SLCO3A1: variants seen among roughly 807,000 people sequenced by gnomAD.
SLCO3A1 encodes the protein PGE1 transporter.
Under a neutral mutation model 63.1 loss-of-function variants are expected in SLCO3A1, and 27 were observed. The ratio of observed to expected loss-of-function variants is 0.43; its 90% CI spans 0.32 to 0.59. SLCO3A1 has a LOEUF of 0.59. SLCO3A1 is among the 20% of genes least tolerant of loss of function. The probability of loss-of-function intolerance (pLI) is 0.09; values close to 1 mark genes in which losing one functional copy is unlikely to be tolerated. For missense variants in SLCO3A1, 773 were observed against 945.8 expected (o/e 0.82, Z 2.40); for synonymous variants, 473 against 409.9 (o/e 1.15, Z -1.86).
intron 4 of SLCO3A1, among the ~76,000 whole-genome samples, chr15:92,112,939 G>A (rs1391257249): frequency 1.3e-5 from 2 of 152,210 alleles, no homozygotes; most frequent in African/African-American, 2.4e-5. Flanking sequence ...CATTGTTGGA[G>A]TTTTCATGAA....
chr15:92,129,220 C>T (rs778884050), intron 7 of SLCO3A1, among the ~76,000 whole-genome samples: 9 of 152,298 alleles, frequency 5.9e-5, no homozygotes, highest in Non-Finnish European at 8.8e-5. Context: ...TTATGTCCTT[C>T]GTTTTCTTCA....
At position 91,979,520 on chromosome 15, in the gene SLCO3A1, C is replaced by A. The variant is rs188625230; in HGVS notation, c.646+63062C>A. ...GCGTGTTGTCTGGCAGTTAGCAGAACCTTTCTTCTTTCTACCTCTTCCCTA... is the reference window on the plus strand; with the variant it reads ...GCGTGTTGTCTGGCAGTTAGCAGAAACTTTCTTCTTTCTACCTCTTCCCTA... On this transcript the variant is annotated intron_variant, in intron 2 of 9. Coordinates refer to ENST00000318445, the MANE Select transcript of SLCO3A1 (RefSeq NM_013272.4). 2.0e-3 allele frequency among the ~76,000 whole-genome samples: 297 copies of A among 152,242 alleles called. 4 individuals carry two copies. The highest frequency in any genetic ancestry group is 6.7e-3 in the African/African-American group (280 of 41,534).
intron 2 of SLCO3A1, among the ~76,000 whole-genome samples, chr15:91,971,010 C>T (rs1357216046): frequency 6.6e-6 from 1 of 152,110 alleles, no homozygotes; most frequent in East Asian, 1.9e-4. Flanking sequence ...ATTTGTAGCC[C>T]CCAAATCAAT....
At chr15:92,130,669 G>A (rs2047981541) in intron 7 of SLCO3A1, among the ~76,000 whole-genome samples, 1 of 152,142 alleles carries the variant, frequency 6.6e-6, no homozygotes, top group South Asian at 2.1e-4. Flanking sequence ...TCCAGGTAAT[G>A]GGGCCTTCCG....
chr15:92,066,235 G>A (rs2047149371), intron 2 of SLCO3A1, among the ~76,000 whole-genome samples: 5 of 152,228 alleles, frequency 3.3e-5, no homozygotes, highest in Admixed American at 3.3e-4. Flanking sequence ...TGGTAGAGAG[G>A]CCAAGCACTC....
chr15:92,093,068 A>G (rs2047496137), intron 2 of SLCO3A1, among the ~76,000 whole-genome samples: 2 of 152,168 alleles, frequency 1.3e-5, no homozygotes. Flanking sequence ...CATCTCCTAT[A>G]AGCCCCGTTC....
intron 1 of SLCO3A1, among the ~76,000 whole-genome samples, chr15:91,906,141 A>C (rs1037800453): frequency 6.6e-6 from 1 of 152,242 alleles, no homozygotes; most frequent in African/African-American, 2.4e-5. Context: ...TAAGTGTGTC[A>C]GAATACGTAA....
Position 92,164,029 on chromosome 15 carries a change from A to T in SLCO3A1, c.*894A>T. 1.0e-6 allele frequency: 1 copy of T among 985,304 alleles called. No individual in the cohort carries two copies. Among genetic ancestry groups the T allele is most frequent in the Non-Finnish European group, 1.2e-6 (1 of 829,882 alleles). 61.0% of individuals were successfully genotyped at this position (985,304 alleles called of 1,614,324 possible). A position where few individuals can be genotyped will look rare whatever the true frequency, so the allele number is the denominator to read the frequency against. ...TTACATTTGCCAAAAACATTTTGCC[A>T]TTTTTAAAAGAAAAAAATACAATCC... On this transcript the variant is annotated 3_prime_UTR_variant, in exon 10 of 10. Coordinates refer to ENST00000318445, the MANE Select transcript of SLCO3A1 (RefSeq NM_013272.4).
chr15:91,931,449 C>G (rs1051711391), intron 2 of SLCO3A1, among the ~76,000 whole-genome samples: 1 of 151,910 alleles, frequency 6.6e-6, no homozygotes, highest in Non-Finnish European at 1.5e-5. Context: ...ATGGGCAAAC[C>G]CTGCTTCTTC....
In SLCO3A1 at chr15:91,886,066, G is replaced by T. The variant is rs1036495469; in HGVS notation, c.181-29927G>T. Among the ~76,000 whole-genome samples the T allele has an allele frequency of 6.6e-6, 1 of 152,060 alleles. No individual in the cohort carries two copies. Among genetic ancestry groups the T allele is most frequent in the Non-Finnish European group, 1.5e-5 (1 of 68,014 alleles). ...TGTGAGCCACAGGGAGGCAGAGTTGGTCCCTTTTAAATATTGGGGCTGGCA... is the reference window on the plus strand; with the variant it reads ...TGTGAGCCACAGGGAGGCAGAGTTGTTCCCTTTTAAATATTGGGGCTGGCA... On this transcript the variant is annotated intron_variant, in intron 1 of 9. Transcript: ENST00000318445. This position sits in a 1 kb window ranked among gnomAD's most constrained non-coding sequence, Gnocchi z 4.9.
intron 2 of SLCO3A1, among the ~76,000 whole-genome samples, chr15:92,023,842 T>C (rs986455843): frequency 7.9e-5 from 12 of 152,354 alleles, no homozygotes; most frequent in Admixed American, 7.2e-4. Context: ...AAACTCATTC[T>C]GAAGAGCTGG....
chr15:92,083,058 G>A (rs1035071513), intron 2 of SLCO3A1, among the ~76,000 whole-genome samples: 5 of 152,174 alleles, frequency 3.3e-5, no homozygotes, highest in Admixed American at 3.3e-4. Flanking sequence ...CCTCTGGATG[G>A]TAGGAAAACT....
intron 2 of SLCO3A1, among the ~76,000 whole-genome samples, chr15:92,077,416 C>T (rs906621998): frequency 3.9e-5 from 6 of 152,336 alleles, no homozygotes; most frequent in African/African-American, 1.2e-4. Flanking sequence ...TCATTTGCCC[C>T]GCCGTGTCCT....
At chr15:92,090,000 A>G (rs2047452010) in intron 2 of SLCO3A1, among the ~76,000 whole-genome samples, 1 of 152,202 alleles carries the variant, frequency 6.6e-6, no homozygotes, top group Non-Finnish European at 1.5e-5. Flanking sequence ...CACAACATAG[A>G]GTAGCTGCTC....
At chr15:92,059,197 G>T (rs1441843261) in intron 2 of SLCO3A1, among the ~76,000 whole-genome samples, 2 of 152,146 alleles carry the variant, frequency 1.3e-5, no homozygotes, top group African/African-American at 2.4e-5. Flanking sequence ...TCTTCCCTAG[G>T]GGGGTGTTTC....
chr15:91,922,306 T>C (rs943916583), intron 2 of SLCO3A1, among the ~76,000 whole-genome samples: 1 of 152,182 alleles, frequency 6.6e-6, no homozygotes, highest in Non-Finnish European at 1.5e-5. Flanking sequence ...AGGGAGGCTT[T>C]GCTGTTTGCC....
chr15:91,865,253 C>T lies in SLCO3A1; in HGVS notation c.180+11165C>T, dbSNP rs1190693795. Among the ~76,000 whole-genome samples the T allele has an allele frequency of 6.6e-6, 1 of 152,146 alleles. No homozygotes were observed. The highest frequency in any genetic ancestry group is 1.5e-5 in the Non-Finnish European group (1 of 68,024). The stretch of plus-strand genomic sequence containing the variant: ...TTTAAACTTTTCCTTTTGTAGAGTT[C>T]GTAGGACAGTAGGATTATTCCCTAA... On this transcript the variant is annotated intron_variant, in intron 1 of 9. Coordinates refer to ENST00000318445, the MANE Select transcript of SLCO3A1 (RefSeq NM_013272.4). This position sits in a 1 kb window ranked among gnomAD's most constrained non-coding sequence, Gnocchi z 4.6.
intron 2 of SLCO3A1, among the ~76,000 whole-genome samples, chr15:91,974,887 G>C (rs536134067): frequency 1.3e-5 from 2 of 152,122 alleles, no homozygotes; most frequent in Non-Finnish European, 2.9e-5. Flanking sequence ...AATCTTGCTG[G>C]CACTAGATAC....
chr15:91,997,503 CT>C (rs1359669410), intron 2 of SLCO3A1, among the ~76,000 whole-genome samples: 4 of 152,164 alleles, frequency 2.6e-5, no homozygotes, highest in Non-Finnish European at 5.9e-5. Flanking sequence ...GTAGAAAAAC[CT>C]ATTCTAAAAT....
Sources: allele counts gnomAD v4.1 joint callset (sites outside exome capture counted in the v4.1 genomes callset), GRCh38; gene constraint gnomAD v4.1.1; non-coding constraint Gnocchi (gnomAD v3.1); transcripts MANE v1.5; gene names NCBI Gene and HGNC (gene_info 2026-07-23, HGNC 2026-07-21).